The following NFIB variants were observed in gnomAD, a reference collection of about 807,000 sequenced individuals.
The protein encoded by NFIB is nuclear factor I B.
Under a neutral mutation model 61.5 loss-of-function variants are expected in NFIB, and 11 were observed. That is an observed-to-expected ratio of 0.18 (90% CI 0.11 to 0.30). The LOEUF is 0.30. Ranked by LOEUF, NFIB falls within the 10% of genes least tolerant of loss-of-function variation. The pLI, the probability that NFIB is intolerant of heterozygous loss-of-function variation, is 1.00. For synonymous variants in NFIB, 260 were observed against 216.5 expected, an observed-to-expected ratio of 1.20 and a Z score of -1.76; for missense variants, 471 against 608.9, an observed-to-expected ratio of 0.77 and a Z score of 2.38.
chr9:14,121,763 T>C (rs1057438820), intron 7 of NFIB, among the ~76,000 whole-genome samples: 1 of 152,190 alleles, frequency 6.6e-6, no homozygotes, highest in Non-Finnish European at 1.5e-5. Context: ...TCACATATTT[T>C]ATAATAATTT....
chr9:14,217,660 C>CAAAAATAAAA (rs2051089165), intron 2 of NFIB, among the ~76,000 whole-genome samples: 1 of 81,522 alleles, frequency 1.2e-5, no homozygotes, highest in Non-Finnish European at 2.3e-5. Flanking sequence ...AACTCCATCT[C>CAAAAATAAAA]AAAAAAAAAA....
chr9:14,083,126 T>C lies in NFIB; in HGVS notation c.*5183A>G, dbSNP rs1160445409. 3 of 214,452 alleles carry C rather than the reference T, an allele frequency of 1.4e-5. No individual in the cohort carries two copies. The highest frequency in any genetic ancestry group is 6.8e-5 in the African/African-American group (3 of 43,916). 13.3% of individuals were successfully genotyped at this position (214,452 alleles called of 1,614,324 possible). A position where few individuals can be genotyped will look rare whatever the true frequency, so the allele number is the denominator to read the frequency against. ...AAAAAAAAAAACTACTTACAACCAT[T>C]GAAGAAAAAATTGCAACAAAAAATG... On this transcript the variant is annotated 3_prime_UTR_variant, in exon 11 of 11. Transcript: ENST00000380953.
chr9:14,213,590 C>T (rs894644846), intron 2 of NFIB, among the ~76,000 whole-genome samples: 1 of 152,202 alleles, frequency 6.6e-6, no homozygotes, highest in African/African-American at 2.4e-5. Flanking sequence ...ACCACTGCTA[C>T]ACAGTAACAT....
chr9:14,374,777 G>T (rs1267103671), intron 1 of NFIB, among the ~76,000 whole-genome samples: 1 of 152,090 alleles, frequency 6.6e-6, no homozygotes, highest in Non-Finnish European at 1.5e-5. Context: ...AGCAATGGTG[G>T]CATGTGCTTG....
chr9:14,378,396 C>T (rs1385986207), intron 1 of NFIB, among the ~76,000 whole-genome samples: 1 of 152,124 alleles, frequency 6.6e-6, no homozygotes, highest in Non-Finnish European at 1.5e-5. Context: ...CTCGCTCTGT[C>T]ACCAGGCTGG....
At position 14,282,045 on chromosome 9, in the gene NFIB, T is replaced by C. The variant is rs568733252; in HGVS notation, c.562+24944A>G. 8.5e-5 allele frequency among the ~76,000 whole-genome samples: 13 copies of C among 152,322 alleles called. No individual in the cohort carries two copies. The South Asian group carries it at 2.7e-3, about 32-fold the overall frequency. ...AAGTGTTCATTCTAAAAATATTCTA[T>C]TCCACAGCTCTGTCTACTCAGGGGG... On this transcript the variant is annotated intron_variant, in intron 2 of 10. Transcript: ENST00000380953.
chr9:14,508,894 TG>T, the NFIB span, among the ~76,000 whole-genome samples: 12 of 152,364 alleles, frequency 7.9e-5, no homozygotes, highest in Non-Finnish European at 1.5e-4. Context: ...GTTCACAAAT[TG>T]AAACTTATTT....
intron 5 of NFIB, 47 bp downstream of exon 5, chr9:14,150,098 C>A (rs2042697098): frequency 6.2e-7 from 1 of 1,611,440 alleles, no homozygotes; most frequent in Non-Finnish European, 8.5e-7. Context: ...CACCTACGAA[C>A]CTATGTGTGT....
At chr9:14,112,902 G>C (rs1225913353) in intron 10 of NFIB, 97 bp downstream of exon 10, 1 of 1,138,484 alleles carries the variant, frequency 8.8e-7, no homozygotes, top group Non-Finnish European at 1.3e-6. Context: ...CAGAAGCCCC[G>C]GGAGCCCCCT....
At chr9:14,397,806 T>A (rs1436135127) in intron 1 of NFIB, among the ~76,000 whole-genome samples, 3 of 152,214 alleles carry the variant, frequency 2.0e-5, no homozygotes, top group African/African-American at 7.2e-5. Context: ...GAAATAATAT[T>A]CCATTCAGAA....
intron 1 of NFIB, chr9:14,322,046 G>A: frequency 8.2e-7 from 1 of 1,215,956 alleles, no homozygotes; most frequent in Non-Finnish European, 1.0e-6. Context: ...TTTCTCAGGG[G>A]TTGTTTTGGT....
At chr9:14,445,885 T>G in the NFIB span, among the ~76,000 whole-genome samples, 1 of 152,216 alleles carries the variant, frequency 6.6e-6, no homozygotes, top group African/African-American at 2.4e-5. Context: ...TTGGGGAACA[T>G]TTTCTTGATG....
chr9:14,097,064 G>A (rs550543327), intron 10 of NFIB, among the ~76,000 whole-genome samples: 22 of 152,234 alleles, frequency 1.4e-4, no homozygotes, highest in African/African-American at 2.4e-4. Flanking sequence ...TTGTGCGTCC[G>A]TGAAAACCAT....
chr9:14,282,315 T>C (rs2058425666), intron 2 of NFIB, among the ~76,000 whole-genome samples: 1 of 152,150 alleles, frequency 6.6e-6, no homozygotes, highest in African/African-American at 2.4e-5. Flanking sequence ...ACAAGCAATA[T>C]CAAGAGGGCA....
the NFIB span, among the ~76,000 whole-genome samples, chr9:14,513,941 A>G: frequency 2.0e-5 from 3 of 152,228 alleles, no homozygotes; most frequent in African/African-American, 7.2e-5. Context: ...TAAATACTGA[A>G]CAATGCCTAT....
the NFIB span, among the ~76,000 whole-genome samples, chr9:14,449,935 G>T: frequency 6.6e-6 from 1 of 151,498 alleles, no homozygotes; most frequent in Non-Finnish European, 1.5e-5. Flanking sequence ...ACTCCATCTT[G>T]ATTAAAAATA....
rs758926255 is a variant in NFIB at position 14,088,336 on chromosome 9, GGA to G, written c.1468-12_1468-11del. 10 of 1,525,508 alleles carry G rather than the reference GGA, an allele frequency of 6.6e-6. No homozygotes were observed. Among genetic ancestry groups the G allele is most frequent in the South Asian group, 1.3e-5 (1 of 75,314 alleles). 94.5% of individuals were successfully genotyped at this position (1,525,508 alleles called of 1,614,324 possible). ...AGCCCAGGTACCAGGACTGTTGAGA[GGA>G]GAGAGGCAGCAGGGAGGGAAGAAAA... On this transcript the variant is annotated splice_polypyrimidine_tract_variant and intron_variant, in intron 10 of 10. Transcript: ENST00000380953.
chr9:14,122,828 A>G (rs1373382844), intron 7 of NFIB, among the ~76,000 whole-genome samples: 5 of 152,290 alleles, frequency 3.3e-5, no homozygotes, highest in African/African-American at 4.8e-5. Flanking sequence ...ACTCACATCT[A>G]TGGGCAACCT....
At chr9:14,187,490 A>G (rs1829650121) in intron 2 of NFIB, among the ~76,000 whole-genome samples, 1 of 152,222 alleles carries the variant, frequency 6.6e-6, no homozygotes, top group Non-Finnish European at 1.5e-5. Flanking sequence ...ATAGTTTAAA[A>G]AGATGTTGCT....
Sources: allele counts gnomAD v4.1 joint callset (sites outside exome capture counted in the v4.1 genomes callset), GRCh38; gene constraint gnomAD v4.1.1; transcripts MANE v1.5; gene names NCBI Gene and HGNC (gene_info 2026-07-23, HGNC 2026-07-21).